TNS3: variants seen among roughly 807,000 people sequenced by gnomAD.
TNS3 encodes the protein tensin-3.
TNS3 carries 45 observed loss-of-function variants against 140.9 expected under a neutral mutation model. The observed-to-expected ratio is 0.32, with a 90% CI of 0.25 to 0.41. TNS3 has a LOEUF of 0.41. TNS3 is among the 10% of genes least tolerant of loss of function. The pLI is 1.00. For synonymous variants in TNS3, 815 were observed against 788.4 expected, an observed-to-expected ratio of 1.03 and a Z score of -0.56; for missense variants, 1,716 against 1,906.7, an observed-to-expected ratio of 0.90 and a Z score of 1.86.
At chr7:47,433,883 ATCTCTCTC>A (rs55743320) in intron 8 of TNS3, among the ~76,000 whole-genome samples, 47,487 of 149,076 alleles carry the variant, frequency 0.32, 7,521 homozygotes, top group South Asian at 0.36. Flanking sequence ...CCGTCTGTCT[ATCTCTCTC>A]TCTCTCTCTC....
At chr7:47,278,387 C>T in intron 30 of TNS3, 167 bp from the exon 31 acceptor site, 1 of 690,468 alleles carries the variant, frequency 1.4e-6, no homozygotes, top group Non-Finnish European at 2.4e-6. Flanking sequence ...ACTTTACCTC[C>T]AGCCTTCACA....
At chr7:47,353,879 C>G (rs563014876) in intron 17 of TNS3, among the ~76,000 whole-genome samples, 1 of 152,082 alleles carries the variant, frequency 6.6e-6, no homozygotes, top group Non-Finnish European at 1.5e-5. Context: ...AGGTCTCACT[C>G]CGCAACCTGC....
intron 1 of TNS3, among the ~76,000 whole-genome samples, chr7:47,546,015 C>G (rs1799910384): frequency 6.6e-6 from 1 of 152,326 alleles, no homozygotes; most frequent in Middle Eastern, 3.4e-3. Flanking sequence ...TTAAGAAGCA[C>G]AGAGAGCCAT....
intron 25 of TNS3, 53 bp downstream of exon 25, chr7:47,293,679 GA>G: frequency 6.6e-7 from 1 of 1,512,966 alleles, no homozygotes; most frequent in Non-Finnish European, 9.2e-7. Context: ...TGAGCAGAGG[GA>G]ATCCAGGCCT....
At chr7:47,318,989 C>A (rs543978494) in intron 20 of TNS3, among the ~76,000 whole-genome samples, 4 of 152,312 alleles carry the variant, frequency 2.6e-5, no homozygotes, top group African/African-American at 7.2e-5. Flanking sequence ...AGAAACGGCA[C>A]ATGGGACACA....
intron 1 of TNS3, among the ~76,000 whole-genome samples, chr7:47,548,751 T>C (rs1799986685): frequency 6.6e-6 from 1 of 152,160 alleles, no homozygotes; most frequent in South Asian, 2.1e-4. Context: ...CTGATGGTCC[T>C]GACCACTCCA....
intron 4 of TNS3, among the ~76,000 whole-genome samples, chr7:47,472,296 C>A (rs929849289): frequency 9.8e-5 from 15 of 152,324 alleles, no homozygotes; most frequent in Admixed American, 4.6e-4. Flanking sequence ...ACCCCCTGTA[C>A]CTCCCCTACA....
At chr7:47,514,672 C>A (rs1386302840) in intron 2 of TNS3, among the ~76,000 whole-genome samples, 1 of 152,136 alleles carries the variant, frequency 6.6e-6, no homozygotes, top group Non-Finnish European at 1.5e-5. Context: ...TCTGTGCCAT[C>A]CTGTCTCATT....
intron 17 of TNS3, among the ~76,000 whole-genome samples, chr7:47,364,543 A>G (rs933067901): frequency 2.0e-5 from 3 of 152,176 alleles, no homozygotes; most frequent in African/African-American, 7.2e-5. Flanking sequence ...CGGCCCAGTA[A>G]GCATCTTTTA....
In TNS3 at chr7:47,517,692, C is replaced by T. The variant is rs539925752; in HGVS notation, c.-152-10748G>A. Among the ~76,000 whole-genome samples the T allele has an allele frequency of 2.0e-5, 3 of 152,182 alleles. No individual in the cohort carries two copies. The South Asian group carries it at 6.2e-4, about 32-fold the overall frequency. On this transcript the variant is annotated intron_variant, in intron 2 of 30. Coordinates refer to ENST00000311160, the MANE Select transcript of TNS3 (RefSeq NM_022748.12). ...AACACAAAAAACATTCATGAATGTA[C>T]ACTGCAGTGCAAGAGGAAAGGAAAA... is the stretch of plus-strand genomic sequence containing the variant.
chr7:47,503,288 G>A (rs1798294848), intron 3 of TNS3, among the ~76,000 whole-genome samples: 1 of 152,046 alleles, frequency 6.6e-6, no homozygotes, highest in Non-Finnish European at 1.5e-5. Flanking sequence ...AGGTTTCAAG[G>A]ATAGGATTCC....
intron 2 of TNS3, among the ~76,000 whole-genome samples, chr7:47,523,405 G>A (rs1799061964): frequency 6.6e-6 from 1 of 152,220 alleles, no homozygotes; most frequent in Non-Finnish European, 1.5e-5. Context: ...GAAAGAAGAA[G>A]ACAGACACTT....
At chr7:47,489,943 T>A (rs574732668) in intron 3 of TNS3, among the ~76,000 whole-genome samples, 2 of 152,192 alleles carry the variant, frequency 1.3e-5, no homozygotes, top group African/African-American at 4.8e-5. Context: ...TACAGACCCC[T>A]GAAGGCCAAC....
intron 23 of TNS3, among the ~76,000 whole-genome samples, chr7:47,301,312 C>A (rs1053013571): frequency 2.6e-5 from 4 of 152,182 alleles, no homozygotes; most frequent in Non-Finnish European, 4.4e-5. Flanking sequence ...CATGGCCCTG[C>A]CCTGCCTTGC....
chr7:47,458,990 C>A (rs565948032), intron 4 of TNS3, among the ~76,000 whole-genome samples: 2 of 152,288 alleles, frequency 1.3e-5, no homozygotes, highest in Admixed American at 6.5e-5. Context: ...TAAATAAGTA[C>A]GGGCGACTTT....
intron 4 of TNS3, among the ~76,000 whole-genome samples, chr7:47,467,530 C>A (rs1370218278): frequency 6.6e-6 from 1 of 152,070 alleles, no homozygotes; most frequent in African/African-American, 2.4e-5. Flanking sequence ...CTATGAGGAC[C>A]AGGAGCCCAT....
At chr7:47,430,594 A>C (rs1280148802) in intron 8 of TNS3, among the ~76,000 whole-genome samples, 1 of 152,220 alleles carries the variant, frequency 6.6e-6, no homozygotes, top group Non-Finnish European at 1.5e-5. Context: ...TTACAGACAT[A>C]TACAGAACAT....
intron 17 of TNS3, among the ~76,000 whole-genome samples, chr7:47,362,356 A>G (rs1562637258): frequency 6.6e-6 from 1 of 152,196 alleles, no homozygotes; most frequent in East Asian, 1.9e-4. Context: ...CTGATCTTGT[A>G]GGTGGGCAGG....
At chr7:47,437,218 T>C (rs1231777998) in intron 7 of TNS3, 45 bp downstream of exon 7, 5 of 1,373,082 alleles carry the variant, frequency 3.6e-6, no homozygotes, top group Non-Finnish European at 5.0e-6. Context: ...ATAAGCATTG[T>C]TTACATTTTA....
Sources: allele counts gnomAD v4.1 joint callset (sites outside exome capture counted in the v4.1 genomes callset), GRCh38; gene constraint gnomAD v4.1.1; transcripts MANE v1.5; gene names NCBI Gene and HGNC (gene_info 2026-07-23, HGNC 2026-07-21).